Variants in ARMC9 observed in about 807,000 individuals in gnomAD.
ARMC9 encodes the protein lisH domain-containing protein ARMC9.
In ARMC9, 94 loss-of-function variants were observed where a neutral mutation model predicts 107.0. The ratio of observed to expected loss-of-function variants is 0.88; its 90% CI spans 0.74 to 1.04. The LOEUF is 1.04. Ranked by LOEUF, ARMC9 falls within the 50% of genes least tolerant of loss-of-function variation. The probability of loss-of-function intolerance (pLI) is 0.00; values close to 1 mark genes in which losing one functional copy is unlikely to be tolerated. For missense variants in ARMC9, 942 were observed against 1,030.1 expected, an observed-to-expected ratio of 0.91 and a Z score of 1.17; for synonymous variants, 380 against 396.9, an observed-to-expected ratio of 0.96 and a Z score of 0.51.
At chr2:231,308,653 T>G (rs918655883) in intron 19 of ARMC9, among the ~76,000 whole-genome samples, 2 of 152,152 alleles carry the variant, frequency 1.3e-5, no homozygotes, top group Non-Finnish European at 2.9e-5. Context: ...CACAACAAGA[T>G]GATGTGGCTA....
chr2:231,351,721 C>T (rs1480308306), intron 21 of ARMC9, among the ~76,000 whole-genome samples: 1 of 152,072 alleles, frequency 6.6e-6, no homozygotes, highest in African/African-American at 2.4e-5. Context: ...ATTATATTTA[C>T]ATACCATAAT....
intron 2 of ARMC9, among the ~76,000 whole-genome samples, chr2:231,207,572 C>T (rs1337903134): frequency 6.6e-6 from 1 of 151,728 alleles, no homozygotes; most frequent in Non-Finnish European, 1.5e-5. Flanking sequence ...ACCTCCTGGG[C>T]TCAAGCGATT....
intron 16 of ARMC9, 142 bp downstream of exon 16, chr2:231,278,600 C>A (rs1366924948): frequency 4.4e-6 from 3 of 684,218 alleles, no homozygotes; most frequent in Non-Finnish European, 7.2e-6. Context: ...CTGGGATTTT[C>A]ATAAGCAACT....
At chr2:231,369,436 G>C (rs568785595) in intron 23 of ARMC9, among the ~76,000 whole-genome samples, 115 of 152,048 alleles carry the variant, frequency 7.6e-4, no homozygotes, top group African/African-American at 2.6e-3. Context: ...GGGACTACAG[G>C]CATCTGCCAC....
chr2:231,249,619 A>G lies in ARMC9; in HGVS notation c.880-6967A>G, dbSNP rs535775622. On this transcript the variant is annotated intron_variant, in intron 9 of 24. Transcript: ENST00000611582. ...AAATGCAGCTGTTTCAGCTTGGCTT[A>G]GGTAGGCATTTATTTTTCCTACCCA... Among the ~76,000 whole-genome samples, 364 of 152,200 alleles carry G rather than the reference A, an allele frequency of 2.4e-3. 1 individual carries two copies. Among genetic ancestry groups the G allele is most frequent in the African/African-American group, 8.4e-3 (349 of 41,536 alleles).
intron 20 of ARMC9, among the ~76,000 whole-genome samples, chr2:231,341,114 C>T (rs977817273): frequency 6.6e-6 from 1 of 152,106 alleles, no homozygotes; most frequent in Non-Finnish European, 1.5e-5. Flanking sequence ...ATCATTTGAG[C>T]CTAGGAGTTC....
chr2:231,227,395 G>A (rs2034749325), intron 7 of ARMC9, among the ~76,000 whole-genome samples: 1 of 152,210 alleles, frequency 6.6e-6, no homozygotes, highest in East Asian at 1.9e-4. Context: ...TTTTGCCTTT[G>A]ATACTACGTT....
At chr2:231,336,410 G>A (rs1437496189) in intron 20 of ARMC9, among the ~76,000 whole-genome samples, 1 of 152,142 alleles carries the variant, frequency 6.6e-6, no homozygotes, top group Admixed American at 6.5e-5. Context: ...GCTGAGAAAG[G>A]CTGAGTCGCT....
chr2:231,270,915 A>C (rs1574888097), intron 12 of ARMC9, 67 bp from the exon 13 acceptor site: 9 of 1,376,870 alleles, frequency 6.5e-6, no homozygotes, highest in Non-Finnish European at 9.3e-6. Flanking sequence ...ACCAGACCCG[A>C]AGAGGAGGCG....
At chr2:231,363,578 G>A (rs939205752) in intron 23 of ARMC9, among the ~76,000 whole-genome samples, 7 of 152,042 alleles carry the variant, frequency 4.6e-5, no homozygotes, top group African/African-American at 9.7e-5. Context: ...TTACTTTCTC[G>A]GAGGCTAGAG....
At chr2:231,369,023 T>C (rs1267386573) in intron 23 of ARMC9, among the ~76,000 whole-genome samples, 1 of 152,226 alleles carries the variant, frequency 6.6e-6, no homozygotes, top group African/African-American at 2.4e-5. Flanking sequence ...CAAGTCCTAC[T>C]TCCCAGAACT....
chr2:231,327,780 T>G (rs1041789001), intron 19 of ARMC9, among the ~76,000 whole-genome samples: 2 of 152,104 alleles, frequency 1.3e-5, no homozygotes, highest in Non-Finnish European at 2.9e-5. Flanking sequence ...GCTTTTTTTG[T>G]TTTTGTTTTT....
intron 3 of ARMC9, among the ~76,000 whole-genome samples, chr2:231,212,959 C>T (rs1482994153): frequency 1.3e-5 from 2 of 152,190 alleles, no homozygotes; most frequent in South Asian, 2.1e-4. Context: ...TTCTTGATTA[C>T]ATGACATAGT....
chr2:231,331,439 A>G (rs115204041), intron 19 of ARMC9, among the ~76,000 whole-genome samples: 2,673 of 141,072 alleles, frequency 0.019, 59 homozygotes, highest in African/African-American at 0.062. Context: ...AGGCCTGTGT[A>G]TGACTGACTG....
chr2:231,345,300 AT>A, intron 21 of ARMC9: 1 of 913,956 alleles, frequency 1.1e-6, no homozygotes, highest in Non-Finnish European at 1.5e-6. Flanking sequence ...AAGTGGTTGG[AT>A]TACAGGATCT....
In ARMC9 at chr2:231,338,238, T is replaced by A. The variant is rs1013958571; in HGVS notation, c.1878+6341T>A. Among the ~76,000 whole-genome samples, 78 of 151,104 alleles carry A rather than the reference T, an allele frequency of 5.2e-4. No individual in the cohort carries two copies. The South Asian group carries it at 7.9e-3, about 15-fold the overall frequency. On this transcript the variant is annotated intron_variant, in intron 20 of 24. Transcript: ENST00000611582. ...GAAGTTCACTTTTTTTTTTTTTTTTTAAAACAGTCTTGCTCTGCTGCCCAG... is the reference window on the plus strand; with the variant it reads ...GAAGTTCACTTTTTTTTTTTTTTTTAAAAACAGTCTTGCTCTGCTGCCCAG...
At chr2:231,300,922 G>C (rs2041682272) in intron 19 of ARMC9, among the ~76,000 whole-genome samples, 1 of 152,048 alleles carries the variant, frequency 6.6e-6, no homozygotes, top group Non-Finnish European at 1.5e-5. Flanking sequence ...TGGCCAGCAG[G>C]GGTGGCATCC....
At chr2:231,318,179 G>A (rs1290824675) in intron 19 of ARMC9, among the ~76,000 whole-genome samples, 1 of 151,996 alleles carries the variant, frequency 6.6e-6, no homozygotes, top group African/African-American at 2.4e-5. Flanking sequence ...CAGTTAACTT[G>A]CCTGCTCTTA....
At chr2:231,359,585 C>T (rs1242177380) in intron 22 of ARMC9, among the ~76,000 whole-genome samples, 2 of 152,208 alleles carry the variant, frequency 1.3e-5, no homozygotes, top group Non-Finnish European at 1.5e-5. Flanking sequence ...TCCTAGAGGA[C>T]TTGCCTGGCG....
Sources: gnomAD v4.1 joint callset for allele counts (sites outside exome capture counted in the v4.1 genomes callset) on GRCh38, gnomAD v4.1.1 for gene constraint, MANE v1.5 for transcripts, NCBI Gene and HGNC (gene_info 2026-07-23, HGNC 2026-07-21) for gene names.